EMCN: variants seen among roughly 807,000 people sequenced by gnomAD.
EMCN encodes MUC-14.
EMCN carries 37 observed loss-of-function variants against 38.4 expected under a neutral mutation model. That is an observed-to-expected ratio of 0.96 (90% CI 0.74 to 1.27). The LOEUF is 1.27. Among genes scored for constraint, EMCN ranks in the 50% most tolerant of loss-of-function variants. The pLI is 0.00. For missense variants in EMCN, 318 were observed against 302.8 expected (o/e 1.05, Z -0.37); for synonymous variants, 95 against 100.8 (o/e 0.94, Z 0.35).
At chr4:100,509,549 C>T (rs1268340131) in intron 1 of EMCN, among the ~76,000 whole-genome samples, 3 of 152,088 alleles carry the variant, frequency 2.0e-5, no homozygotes, top group Admixed American at 2.0e-4. Context: ...GGGGAGAGTG[C>T]CCAAGAACTC....
chr4:100,460,420 T>C (rs910568598), intron 4 of EMCN, among the ~76,000 whole-genome samples: 3 of 152,186 alleles, frequency 2.0e-5, no homozygotes, highest in African/African-American at 7.2e-5. Context: ...TACCTGAGAC[T>C]GGGTAATTTA....
At chr4:100,457,230 C>A (rs181677991) in intron 4 of EMCN, among the ~76,000 whole-genome samples, 21 of 150,588 alleles carry the variant, frequency 1.4e-4, no homozygotes, top group African/African-American at 3.7e-4. Flanking sequence ...TCATTAGTTT[C>A]TATTAATAAG....
intron 5 of EMCN, among the ~76,000 whole-genome samples, chr4:100,423,730 C>T (rs919830): frequency 0.18 from 27,299 of 152,042 alleles, 2,660 homozygotes; most frequent in Middle Eastern, 0.31. Flanking sequence ...TATGCAAAAG[C>T]ATTTTTCAAA....
At chr4:100,484,623 T>G (rs1728893726) in intron 1 of EMCN, among the ~76,000 whole-genome samples, 1 of 152,086 alleles carries the variant, frequency 6.6e-6, no homozygotes, top group South Asian at 2.1e-4. Flanking sequence ...GGACGGCGGA[T>G]CACCTCTCCT....
chr4:100,493,563 T>A (rs759848050), intron 1 of EMCN, among the ~76,000 whole-genome samples: 3 of 152,166 alleles, frequency 2.0e-5, no homozygotes, highest in Non-Finnish European at 4.4e-5. Flanking sequence ...GATAAAATGA[T>A]TTACCCATCT....
rs74316675 is a variant in EMCN at position 100,460,370 on chromosome 4, A to G, written c.376+5053T>C. On this transcript the variant is annotated intron_variant, in intron 4 of 11. Transcript: ENST00000296420. Reference sequence around the variant, plus strand: ...GTTTGCAAATATTTTCTTCCATTTTATAGGTGTATTAGTCTGTTCTCACAC... The same window carrying G: ...GTTTGCAAATATTTTCTTCCATTTTGTAGGTGTATTAGTCTGTTCTCACAC... Among the ~76,000 whole-genome samples the G allele has an allele frequency of 4.4e-3, 676 of 152,260 alleles. 7 individuals carry two copies. The highest frequency in any genetic ancestry group is 0.015 in the African/African-American group (643 of 41,548).
chr4:100,508,654 T>A (rs1294709937), intron 1 of EMCN, among the ~76,000 whole-genome samples: 1 of 152,180 alleles, frequency 6.6e-6, no homozygotes, highest in Non-Finnish European at 1.5e-5. Context: ...ACAATTGAAT[T>A]TTCATAATTT....
chr4:100,403,048 A>T (rs1404366131), intron 11 of EMCN, among the ~76,000 whole-genome samples: 1 of 152,126 alleles, frequency 6.6e-6, no homozygotes, highest in East Asian at 1.9e-4. Context: ...ATTGCATAGG[A>T]TGGACCAACT....
intron 2 of EMCN, among the ~76,000 whole-genome samples, chr4:100,477,683 C>G (rs969840959): frequency 2.0e-5 from 3 of 152,126 alleles, no homozygotes; most frequent in African/African-American, 7.2e-5. Flanking sequence ...AAAATGAAAA[C>G]AAAGATGCTT....
chr4:100,489,647 G>T (rs1262005329), intron 1 of EMCN, among the ~76,000 whole-genome samples: 1 of 152,140 alleles, frequency 6.6e-6, no homozygotes, highest in East Asian at 1.9e-4. Context: ...ATTATGTACA[G>T]TATATAATAT....
At chr4:100,470,293 A>T (rs1274583902) in intron 3 of EMCN, among the ~76,000 whole-genome samples, 2 of 151,908 alleles carry the variant, frequency 1.3e-5, no homozygotes, top group Admixed American at 1.3e-4. Context: ...AAAAAGTTCA[A>T]CATCAGTGAT....
At chr4:100,508,307 G>A (rs936288615) in intron 1 of EMCN, among the ~76,000 whole-genome samples, 6 of 152,110 alleles carry the variant, frequency 3.9e-5, no homozygotes, top group African/African-American at 9.7e-5. Flanking sequence ...CAGTATGCTG[G>A]CTTGTCACAC....
At chr4:100,511,692 G>T (rs1501096) in intron 1 of EMCN, among the ~76,000 whole-genome samples, 60,640 of 151,894 alleles carry the variant, frequency 0.4, 12,797 homozygotes, top group East Asian at 0.71. Flanking sequence ...ACATATTAAT[G>T]AGAGTGTCAG....
At chr4:100,427,453 C>CT (rs71594586) in intron 5 of EMCN, among the ~76,000 whole-genome samples, 1,248 of 97,208 alleles carry the variant, frequency 0.013, 29 homozygotes, top group African/African-American at 0.022. Flanking sequence ...CTCTCTCTCT[C>CT]TTTTTTTTTT....
At chr4:100,488,426 C>A (rs912488349) in intron 1 of EMCN, among the ~76,000 whole-genome samples, 1 of 152,112 alleles carries the variant, frequency 6.6e-6, no homozygotes, top group Non-Finnish European at 1.5e-5. Flanking sequence ...ATGTATTTCC[C>A]TTTAGTGTGT....
At chr4:100,465,660 T>C in intron 3 of EMCN, 121 bp from the exon 4 acceptor site, 1 of 497,456 alleles carries the variant, frequency 2.0e-6, no homozygotes, top group Non-Finnish European at 3.5e-6. Context: ...TGACTAAGCC[T>C]TAGAAATCCA....
At position 100,454,247 on chromosome 4, in the gene EMCN, A is replaced by G. The variant is rs1727941496; in HGVS notation, c.377-6676T>C. Among the ~76,000 whole-genome samples the G allele has an allele frequency of 1.3e-5, 2 of 151,676 alleles. 1 individual carries two copies. Among genetic ancestry groups the G allele is most frequent in the South Asian group, 4.2e-4 (2 of 4,798 alleles). ...GTTTTCAAGCCATTAGCAAAAAAAA[A>G]AAAAAATAGCTCAGGAAGAGAAAAA... On this transcript the variant is annotated intron_variant, in intron 4 of 11. Transcript: ENST00000296420.
chr4:100,500,744 C>T (rs974478269), intron 1 of EMCN, among the ~76,000 whole-genome samples: 1 of 152,028 alleles, frequency 6.6e-6, no homozygotes, highest in African/African-American at 2.4e-5. Flanking sequence ...ATATACAATA[C>T]ATTGAACAAA....
chr4:100,442,585 A>C (rs1214395498), intron 5 of EMCN, among the ~76,000 whole-genome samples: 1 of 151,718 alleles, frequency 6.6e-6, no homozygotes, highest in East Asian at 1.9e-4. Context: ...TTTTCCTCTG[A>C]TGGAGTAATT....
Sources: gnomAD v4.1 joint callset for allele counts (sites outside exome capture counted in the v4.1 genomes callset) on GRCh38, gnomAD v4.1.1 for gene constraint, MANE v1.5 for transcripts, NCBI Gene and HGNC (gene_info 2026-07-23, HGNC 2026-07-21) for gene names.